NDUFS2: variants seen among roughly 807,000 people sequenced by gnomAD.
NDUFS2 encodes NADH dehydrogenase [ubiquinone] iron-sulfur protein 2, mitochondrial.
NDUFS2 carries 38 observed loss-of-function variants against 69.6 expected under a neutral mutation model. The observed-to-expected ratio is 0.55, with a 90% confidence interval of 0.42 to 0.72. The LOEUF (loss-of-function observed/expected upper bound fraction) is 0.72. Among genes scored for constraint, NDUFS2 ranks in the 30% least tolerant of loss-of-function variants. The pLI, the probability that NDUFS2 is intolerant of heterozygous loss-of-function variation, is 0.00. For missense variants in NDUFS2, 468 were observed against 595.0 expected (o/e 0.79, Z 2.22); for synonymous variants, 194 against 211.2 (o/e 0.92, Z 0.70).
intron 9 of NDUFS2, among the ~76,000 whole-genome samples, chr1:161,211,184 C>T (rs929299241): frequency 6.6e-6 from 1 of 152,206 alleles, no homozygotes; most frequent in African/African-American, 2.4e-5. Context: ...CTATGGCATT[C>T]TTTTTATCTT....
Position 161,213,702 on chromosome 1 carries a change from C to T in NDUFS2, c.1266C>T (p.Cys422=). ...VSDGSSRPYR[C]KIKAPGFAHL... The stretch of plus-strand genomic sequence containing the variant: ...ATGGCAGCAGCCGCCCTTATCGATG[C>T]AAGATCAAGGCTCCTGGTTTTGCCC... Residue 422 remains cysteine, a synonymous_variant, in exon 12 of 14, where the codon TGC becomes TGT. Coordinates refer to ENST00000676972, the MANE Select transcript of NDUFS2 (RefSeq NM_001377299.1). 6.2e-7 allele frequency: 1 copy of T among 1,614,216 alleles called. No individual in the cohort carries two copies. Among genetic ancestry groups the T allele is most frequent in the Non-Finnish European group, 8.5e-7 (1 of 1,180,036 alleles).
upstream of NDUFS2, among the ~76,000 whole-genome samples, chr1:161,199,681 C>CT (rs1314545127): frequency 2.0e-5 from 3 of 152,086 alleles, no homozygotes; most frequent in African/African-American, 7.2e-5. Flanking sequence ...GATGATCCTG[C>CT]TTGGAATGAA....
chr1:161,202,230 G>A (rs886045457), upstream of NDUFS2: 56 of 730,592 alleles, frequency 7.7e-5, no homozygotes, highest in Non-Finnish European at 2.9e-5. Flanking sequence ...GTGAAGCCGA[G>A]TCACAGGACC....
At chr1:161,199,133 A>T (rs1665008224), upstream of NDUFS2, 1 of 152,752 alleles carries the variant, frequency 6.5e-6, no homozygotes, top group Non-Finnish European at 1.5e-5. Context: ...CACTCAGCTG[A>T]GCTCTGTCGG....
chr1:161,207,612 G>C (rs1221204399), intron 3 of NDUFS2, among the ~76,000 whole-genome samples: 1 of 151,730 alleles, frequency 6.6e-6, no homozygotes, highest in African/African-American at 2.4e-5. Flanking sequence ...AAATTAGCCA[G>C]ACGTGGTGGT....
At chr1:161,203,696 A>G (rs1199036824) in intron 2 of NDUFS2, 153 bp downstream of exon 2, 2 of 703,968 alleles carry the variant, frequency 2.8e-6, no homozygotes, top group Non-Finnish European at 5.1e-6. Context: ...TCTGGGCTCA[A>G]GGCAACCTTC....
At chr1:161,197,627 A>C, upstream of NDUFS2, 1 of 216,004 alleles carries the variant, frequency 4.6e-6, no homozygotes, top group Non-Finnish European at 9.1e-6. Context: ...GGGGGATGAA[A>C]ATCAAATTTG....
chr1:161,211,035 C>T (rs968373170), intron 9 of NDUFS2, among the ~76,000 whole-genome samples: 1 of 152,158 alleles, frequency 6.6e-6, no homozygotes, highest in Non-Finnish European at 1.5e-5. Flanking sequence ...CCACCACGCT[C>T]AGCTAATTTA....
rs370126952 is a variant in NDUFS2 at position 161,206,477 on chromosome 1, G to A, written c.273G>A (p.Ala91=). ...TLNFGPQHPA[A]HGVLRLVMEL... is the part of the protein sequence containing the mutation. ...ACTTTGGGCCCCAACACCCAGCAGC[G>A]CATGGTGTCCTGCGACTAGTGATGG... Residue 91 remains alanine, a synonymous_variant, in exon 3 of 14, where the codon GCG becomes GCA. Transcript: ENST00000676972. The A allele has an allele frequency of 3.5e-5, 57 of 1,614,138 alleles. No individual in the cohort carries two copies. The highest frequency in any genetic ancestry group is 6.7e-5 in the African/African-American group (5 of 74,948).
chr1:161,202,246 G>A, upstream of NDUFS2: 2 of 795,650 alleles, frequency 2.5e-6, no homozygotes, highest in Non-Finnish European at 2.1e-6. Flanking sequence ...GGACCCGGAT[G>A]TTGTCAGTTC....
rs1160043028 is a variant in NDUFS2 at position 161,210,663 on chromosome 1, G to A, written c.939G>A (p.Gln313=). ...RKTQPYDVYD[Q]VEFDVPVGSR... ...CCCAGCCCTATGATGTTTACGACCA[G>A]GTTGAGTTTGATGTTCCTGTTGGTT... Residue 313 remains glutamine (Q), a synonymous_variant, in exon 9 of 14, where the codon CAG becomes CAA. Coordinates refer to ENST00000676972, the MANE Select transcript of NDUFS2 (RefSeq NM_001377299.1). The A allele has an allele frequency of 1.2e-6, 2 of 1,614,038 alleles. No individual in the cohort carries two copies. Among genetic ancestry groups the A allele is most frequent in the Admixed American group, 1.7e-5 (1 of 60,002 alleles).
intron 5 of NDUFS2, 24 bp from the exon 6 acceptor site, chr1:161,209,833 T>C: frequency 6.2e-7 from 1 of 1,611,720 alleles, no homozygotes; most frequent in Non-Finnish European, 8.5e-7. Flanking sequence ...ACTTTGACAC[T>C]AATTCCCAGC....
At chr1:161,200,723 T>C (rs1665080079), upstream of NDUFS2, among the ~76,000 whole-genome samples, 1 of 151,702 alleles carries the variant, frequency 6.6e-6, no homozygotes, top group Non-Finnish European at 1.5e-5. Flanking sequence ...GGACAAAGGG[T>C]GGGAGACCAG....
chr1:161,209,568 C>T lies in NDUFS2; in HGVS notation c.600C>T (p.Phe200=), dbSNP rs138185030. 253 of 1,612,764 alleles carry T rather than the reference C, an allele frequency of 1.6e-4. No individual in the cohort carries two copies. Among genetic ancestry groups the T allele is most frequent in the Non-Finnish European group, 1.7e-4 (197 of 1,179,968 alleles). The part of the protein sequence containing the change: ...HALDLGAMTP[F]FWLFEEREKM... The stretch of plus-strand genomic sequence containing the variant: ...TGGACCTTGGGGCCATGACCCCTTT[C>T]TTCTGGCTGTTTGAAGAAAGGGAGA... The change falls in exon 5 of 14, where the codon TTC becomes TTT. Residue 200 remains phenylalanine, a synonymous_variant. Transcript: ENST00000676972.
chr1:161,214,136 T>C lies in NDUFS2; in HGVS notation c.1355-20T>C. The C allele has an allele frequency of 1.9e-6, 3 of 1,614,036 alleles. No homozygotes were observed. Among genetic ancestry groups the C allele is most frequent in the Non-Finnish European group, 2.5e-6 (3 of 1,179,940 alleles). On this transcript the variant is annotated intron_variant, in intron 13 of 13. Transcript: ENST00000676972. ...AGGAAGATAAGTAACATCACTTTTT[T>C]CCTCCATCCTCTCACCTAGGTACCC...
chr1:161,208,236 G>A (rs1489840446), intron 3 of NDUFS2, among the ~76,000 whole-genome samples: 2 of 151,042 alleles, frequency 1.3e-5, no homozygotes, highest in Admixed American at 1.3e-4. Flanking sequence ...ACCCTGACTT[G>A]GCCTCCCAAA....
Position 161,209,408 on chromosome 1 carries a change from C to A in NDUFS2, c.515-75C>A, listed in dbSNP as rs747883019. 2.5e-4 allele frequency: 401 copies of A among 1,608,496 alleles called. 3 individuals are homozygous for A. Among genetic ancestry groups the A allele is most frequent in the South Asian group, 1.2e-3 (107 of 90,920 alleles). ...TTGAACCCAAGCTTAGTGTTCAGAC[C>A]CCAGGCTCTGCCCAGACCTCTCTGT... On this transcript the variant is annotated intron_variant, in intron 4 of 13. Coordinates refer to ENST00000676972, the MANE Select transcript of NDUFS2 (RefSeq NM_001377299.1).
chr1:161,210,599 T>C lies in NDUFS2; in HGVS notation c.875T>C (p.Met292Thr), dbSNP rs150667550. Residue 292 changes from methionine to threonine, a missense_variant, in exon 9 of 14, where the codon ATG becomes ACG. Transcript: ENST00000676972. Reference sequence around the variant, plus strand: ...CATTATGCTCTCCACAGTGGAGTGATGCTTCGGGGCTCAGGCATCCAGTGG... The same window carrying C: ...CATTATGCTCTCCACAGTGGAGTGACGCTTCGGGGCTCAGGCATCCAGTGG... ...EALNYGFSGV[M>T]LRGSGIQWDL... 551 of 1,614,168 alleles carry C rather than the reference T, an allele frequency of 3.4e-4. 2 individuals are homozygous for C. The highest frequency in any genetic ancestry group is 1.1e-3 in the Admixed American group (64 of 60,020).
Position 161,214,318 on chromosome 1 carries a change from G to A in NDUFS2, c.*125G>A, listed in dbSNP as rs868071258. On this transcript the variant is annotated 3_prime_UTR_variant, in exon 14 of 14. Coordinates refer to ENST00000676972, the MANE Select transcript of NDUFS2 (RefSeq NM_001377299.1). ...GTGTGTGTATGTTCATGTACACTTG[G>A]CTGTCAGGCTTTCTGTGCATGTACT... 4 of 917,766 alleles carry A rather than the reference G, an allele frequency of 4.4e-6. No individual in the cohort carries two copies. The highest frequency in any genetic ancestry group is 3.5e-6 in the Non-Finnish European group (2 of 576,826). 56.9% of individuals were successfully genotyped at this position (917,766 alleles called of 1,614,324 possible).
Sources: allele counts gnomAD v4.1 joint callset (sites outside exome capture counted in the v4.1 genomes callset), GRCh38; gene constraint gnomAD v4.1.1; transcripts MANE v1.5; gene names NCBI Gene and HGNC (gene_info 2026-07-23, HGNC 2026-07-21).